ZBTB8OS: variants seen among roughly 807,000 people sequenced by gnomAD.
ZBTB8OS encodes the protein tRNA-splicing ligase-activating factor archease.
Under a neutral mutation model 29.3 loss-of-function variants are expected in ZBTB8OS, and 16 were observed. That is an observed-to-expected ratio of 0.55 (90% CI 0.37 to 0.83). The LOEUF (loss-of-function observed/expected upper bound fraction) is 0.83. Among genes scored for constraint, ZBTB8OS ranks in the 40% least tolerant of loss-of-function variants. ZBTB8OS has a pLI of 0.00. For synonymous variants in ZBTB8OS, 70 were observed against 64.6 expected, an observed-to-expected ratio of 1.08 and a Z score of -0.40; for missense variants, 160 against 196.9, an observed-to-expected ratio of 0.81 and a Z score of 1.12.
In ZBTB8OS at chr1:32,631,486, C is replaced by T. The variant is rs563452785; in HGVS notation, c.380+341G>A. Among the ~76,000 whole-genome samples, 172 of 151,924 alleles carry T rather than the reference C, an allele frequency of 1.1e-3. 1 individual carries two copies. The highest frequency in any genetic ancestry group is 4.0e-3 in the African/African-American group (165 of 41,426). On this transcript the variant is annotated intron_variant, in intron 5 of 6. Transcript: ENST00000468695. ...AAACTCTGGAAGGAAAATAAAAGTA[C>T]GATTTGTTAAAAGAAGGAATTGATT...
At chr1:32,640,455 A>G (rs1209741087) in intron 1 of ZBTB8OS, among the ~76,000 whole-genome samples, 1 of 152,150 alleles carries the variant, frequency 6.6e-6, no homozygotes, top group Non-Finnish European at 1.5e-5. Flanking sequence ...TAACCATCAC[A>G]ATGAACTTAC....
intron 1 of ZBTB8OS, among the ~76,000 whole-genome samples, chr1:32,643,002 C>A (rs1646538347): frequency 6.7e-6 from 1 of 148,444 alleles, no homozygotes; most frequent in African/African-American, 2.5e-5. Flanking sequence ...AACCCTTGAC[C>A]TCAGGTGATC....
At chr1:32,644,404 T>C (rs1003903773) in intron 1 of ZBTB8OS, among the ~76,000 whole-genome samples, 14 of 152,022 alleles carry the variant, frequency 9.2e-5, no homozygotes, top group African/African-American at 3.4e-4. Context: ...CAAGACTAGG[T>C]GATTAAGGGA....
At chr1:32,650,564 A>G, upstream of ZBTB8OS, 1 of 1,613,754 alleles carries the variant, frequency 6.2e-7, no homozygotes, top group Non-Finnish European at 8.5e-7. Context: ...TCCGCCCTTC[A>G]TCCACCGGAC....
rs146831492 is a variant in ZBTB8OS at position 32,629,167 on chromosome 1, T to C, written c.381-1623A>G. ...GGCTCACACCTGTAATCTCAGCACTTTGGGAGACTGAGGCAGGAAGATAGC... is the reference window on the plus strand; with the variant it reads ...GGCTCACACCTGTAATCTCAGCACTCTGGGAGACTGAGGCAGGAAGATAGC... On this transcript the variant is annotated intron_variant, in intron 5 of 6. Coordinates refer to ENST00000468695, the MANE Select transcript of ZBTB8OS (RefSeq NM_178547.5). Among the ~76,000 whole-genome samples the C allele has an allele frequency of 5.6e-3, 850 of 151,840 alleles. 6 individuals are homozygous for C. The highest frequency in any genetic ancestry group is 0.027 in the Middle Eastern group (8 of 294).
At position 32,633,575 on chromosome 1, in the gene ZBTB8OS, T is replaced by C. The variant is rs1048762020; in HGVS notation, c.327+70A>G. ...TTTGTTTCACATGTCCTATTTTAAATCATCTGTTCTATTTTAAAATATGAA... is the reference window on the plus strand; with the variant it reads ...TTTGTTTCACATGTCCTATTTTAAACCATCTGTTCTATTTTAAAATATGAA... On this transcript the variant is annotated intron_variant, in intron 4 of 6. Coordinates refer to ENST00000468695, the MANE Select transcript of ZBTB8OS (RefSeq NM_178547.5). The C allele has an allele frequency of 4.4e-6, 5 of 1,134,732 alleles. No individual in the cohort carries two copies. The African/African-American group carries it at 6.3e-5, about 14-fold the overall frequency. The allele number at this position is 1,134,732 out of a possible 1,614,324, so 70.3% of individuals were successfully genotyped here.
intron 6 of ZBTB8OS, among the ~76,000 whole-genome samples, chr1:32,626,074 C>G (rs786601): frequency 6.6e-6 from 1 of 152,074 alleles, no homozygotes; most frequent in African/African-American, 2.4e-5. Flanking sequence ...GGTTTCACCA[C>G]GTTGGCCGGG....
At chr1:32,634,672 T>C in intron 2 of ZBTB8OS, 96 bp downstream of exon 2, 7 of 1,512,236 alleles carry the variant, frequency 4.6e-6, no homozygotes, top group South Asian at 1.1e-5. Context: ...GGAACCAAAA[T>C]GAGAGGAGAA....
chr1:32,623,410 C>T (rs1168280672), intron 6 of ZBTB8OS, among the ~76,000 whole-genome samples: 1 of 152,194 alleles, frequency 6.6e-6, no homozygotes, highest in Non-Finnish European at 1.5e-5. Flanking sequence ...TTTCTCTTCT[C>T]CTCTAGTGAT....
At chr1:32,640,039 TTAAC>T (rs1646278166) in intron 1 of ZBTB8OS, 1 of 152,206 alleles carries the variant, frequency 6.6e-6, no homozygotes, top group Non-Finnish European at 1.5e-5. Flanking sequence ...ACTGCTTTAC[TTAAC>T]TAGCCTTTTA....
intron 5 of ZBTB8OS, among the ~76,000 whole-genome samples, chr1:32,628,061 T>C (rs1191396263): frequency 2.7e-5 from 4 of 148,358 alleles, no homozygotes; most frequent in East Asian, 2.0e-4. Context: ...TTTTTAATTA[T>C]AGGCCAGGCG....
At chr1:32,647,590 T>A (rs1249722502) in intron 1 of ZBTB8OS, among the ~76,000 whole-genome samples, 1 of 152,178 alleles carries the variant, frequency 6.6e-6, no homozygotes, top group African/African-American at 2.4e-5. Flanking sequence ...TCCCCATTGC[T>A]AACATTACTG....
At chr1:32,642,408 G>A (rs1646482054) in intron 1 of ZBTB8OS, among the ~76,000 whole-genome samples, 1 of 151,636 alleles carries the variant, frequency 6.6e-6, no homozygotes, top group African/African-American at 2.4e-5. Context: ...GGAGGGTGAG[G>A]TAGGAGAATT....
upstream of ZBTB8OS, chr1:32,650,670 C>CTAG: frequency 6.7e-7 from 1 of 1,488,250 alleles, no homozygotes; most frequent in East Asian, 2.3e-5. Flanking sequence ...TGTTGACCTA[C>CTAG]TTTAGTCCCT....
rs1164446950 is a variant in ZBTB8OS, at chr1:32,620,997, C to T, written c.*865G>A. On this transcript the variant is annotated 3_prime_UTR_variant, in exon 7 of 7. Coordinates refer to ENST00000468695, the MANE Select transcript of ZBTB8OS (RefSeq NM_178547.5). ...TGAAAGCGTGAGAGAAAAATCAGGG[C>T]TCTATCTAGAGAAGTCTAATTGTTT... 6.6e-6 allele frequency: 1 copy of T among 152,144 alleles called. No individual in the cohort carries two copies. The highest frequency in any genetic ancestry group is 1.5e-5 in the Non-Finnish European group (1 of 68,018). 9.4% of individuals were successfully genotyped at this position (152,144 alleles called of 1,614,324 possible).
intron 1 of ZBTB8OS, among the ~76,000 whole-genome samples, chr1:32,636,174 C>G (rs1645938221): frequency 1.3e-5 from 2 of 152,128 alleles, no homozygotes; most frequent in South Asian, 4.1e-4. Flanking sequence ...TCCAACCTGA[C>G]CAATCAGTAG....
chr1:32,647,114 G>A (rs530795435), intron 1 of ZBTB8OS, among the ~76,000 whole-genome samples: 23 of 144,104 alleles, frequency 1.6e-4, no homozygotes, highest in Middle Eastern at 8.5e-3. Flanking sequence ...CCAGCACTTC[G>A]GAGGCCGAGG....
Position 32,621,559 on chromosome 1 carries a change from T to G in ZBTB8OS, c.*303A>C, listed in dbSNP as rs763770946. The G allele has an allele frequency of 6.3e-6, 2 of 315,998 alleles. No homozygotes were observed. Among genetic ancestry groups the G allele is most frequent in the Non-Finnish European group, 1.1e-5 (2 of 174,048 alleles). 19.6% of individuals were successfully genotyped at this position (315,998 alleles called of 1,614,324 possible). A position where few individuals can be genotyped will look rare whatever the true frequency, so the allele number is the denominator to read the frequency against. On this transcript the variant is annotated 3_prime_UTR_variant, in exon 7 of 7. Coordinates refer to ENST00000468695, the MANE Select transcript of ZBTB8OS (RefSeq NM_178547.5). ...TCAGTGATCCTCTCTGGGGTGAGGC[T>G]GGAGGGCTTGCATTGCACTGGAAGG...
At chr1:32,644,712 T>TC (rs998240682) in intron 1 of ZBTB8OS, among the ~76,000 whole-genome samples, 1 of 144,980 alleles carries the variant, frequency 6.9e-6, no homozygotes, top group African/African-American at 2.6e-5. Flanking sequence ...AGCTTTTTTT[T>TC]TTTTTTTTTT....
Sources: allele counts gnomAD v4.1 joint callset (sites outside exome capture counted in the v4.1 genomes callset), GRCh38; gene constraint gnomAD v4.1.1; transcripts MANE v1.5; gene names NCBI Gene and HGNC (gene_info 2026-07-23, HGNC 2026-07-21).